The following DNAJB14 variants were observed in gnomAD, a reference collection of about 807,000 sequenced individuals.
DNAJB14 encodes dnaJ homolog subfamily B member 14.
A neutral mutation model predicts 48.4 loss-of-function variants in DNAJB14; 22 were observed. The observed-to-expected ratio is 0.45, with a 90% confidence interval of 0.32 to 0.65. DNAJB14 has a LOEUF of 0.65. Ranked by LOEUF, DNAJB14 falls within the 30% of genes least tolerant of loss-of-function variation. The pLI is 0.03. For synonymous variants in DNAJB14, 142 were observed against 158.7 expected, an observed-to-expected ratio of 0.89 and a Z score of 0.79; for missense variants, 319 against 458.8, an observed-to-expected ratio of 0.70 and a Z score of 2.78.
rs776996229 is a variant in DNAJB14, at chr4:99,923,144, G to A, written c.347C>T (p.Thr116Met). The part of the protein sequence containing the change: ...CKNYYEVLGV[T>M]KDAGDEDLKK... ...CAAATCTTCATCACCAGCATCTTTC[G>A]TAACTCCAAGTACTTCATAGTAATT... The change falls in exon 3 of 8, where the codon ACG becomes ATG. Residue 116 changes from threonine (T) to methionine (M), a missense_variant. This residue lies in a region of DNAJB14 where 37 missense variants were observed against 87.8 expected (regional missense o/e 0.42). Coordinates refer to ENST00000442697, the MANE Select transcript of DNAJB14 (RefSeq NM_001031723.4). 27 of 1,612,402 alleles carry A rather than the reference G, an allele frequency of 1.7e-5. No homozygotes were observed. Among genetic ancestry groups the A allele is most frequent in the South Asian group, 2.2e-5 (2 of 90,924 alleles).
intron 3 of DNAJB14, among the ~76,000 whole-genome samples, chr4:99,911,533 A>G (rs572357436): frequency 6.8e-6 from 1 of 146,732 alleles, no homozygotes; most frequent in Admixed American, 6.7e-5. Flanking sequence ...CATTCCCTGC[A>G]TCCATACCAG....
In DNAJB14 at chr4:99,898,198, A is replaced by T. The variant is rs887167815; in HGVS notation, c.*2830T>A. 2 of 152,012 alleles carry T rather than the reference A, an allele frequency of 1.3e-5. No homozygotes were observed. The highest frequency in any genetic ancestry group is 2.4e-5 in the African/African-American group (1 of 41,444). The allele number at this position is 152,012 out of a possible 1,614,324, so 9.4% of individuals were successfully genotyped here. On this transcript the variant is annotated 3_prime_UTR_variant, in exon 8 of 8. Transcript: ENST00000442697. ...GGTATTCCACATTCCTGTTCCTATG[A>T]ACACCTGAGCTGGCACAAAAGCTGA...
intron 2 of DNAJB14, chr4:99,925,437 G>T (rs1045068763): frequency 6.6e-6 from 1 of 151,990 alleles, no homozygotes; most frequent in Non-Finnish European, 1.5e-5. Context: ...TTCACATAAA[G>T]AATTGTAGAA....
chr4:99,915,058 T>A (rs1725801737), intron 3 of DNAJB14, among the ~76,000 whole-genome samples: 1 of 152,258 alleles, frequency 6.6e-6, no homozygotes, highest in Admixed American at 6.5e-5. Context: ...TTTGCTATTC[T>A]TTTTCTAGAT....
At chr4:99,918,678 T>C (rs1047883061) in intron 3 of DNAJB14, among the ~76,000 whole-genome samples, 1 of 152,172 alleles carries the variant, frequency 6.6e-6, no homozygotes, top group African/African-American at 2.4e-5. Context: ...AGTTCCCTTA[T>C]GGGAACATCA....
At chr4:99,944,229 A>T (rs912260750) in intron 1 of DNAJB14, among the ~76,000 whole-genome samples, 3 of 152,232 alleles carry the variant, frequency 2.0e-5, no homozygotes, top group African/African-American at 7.2e-5. Flanking sequence ...TACTATCAAA[A>T]CCAACAAAAA....
At chr4:99,946,126 G>C (rs1442873724) in intron 1 of DNAJB14, among the ~76,000 whole-genome samples, 1 of 152,248 alleles carries the variant, frequency 6.6e-6, no homozygotes, top group Non-Finnish European at 1.5e-5. Context: ...AAGCCTCACT[G>C]TGGTAAGACG....
At chr4:99,918,665 G>GT (rs1725943344) in intron 3 of DNAJB14, among the ~76,000 whole-genome samples, 2 of 152,290 alleles carry the variant, frequency 1.3e-5, no homozygotes, top group Middle Eastern at 3.4e-3. Flanking sequence ...GGATAGATAC[G>GT]TAAGTTCCCT....
At chr4:99,922,497 G>C (rs186254142) in intron 3 of DNAJB14, 13 of 151,788 alleles carry the variant, frequency 8.6e-5, no homozygotes, top group Admixed American at 8.5e-4. Flanking sequence ...AGAATATTGG[G>C]ATGGAAAATA....
intron 1 of DNAJB14, among the ~76,000 whole-genome samples, chr4:99,944,741 A>T (rs1430516113): frequency 6.6e-6 from 1 of 151,754 alleles, no homozygotes; most frequent in Non-Finnish European, 1.5e-5. Context: ...CGCCTGGCTA[A>T]TTTTTTTGTA....
At chr4:99,938,788 A>C (rs1327230605) in intron 1 of DNAJB14, among the ~76,000 whole-genome samples, 1 of 152,180 alleles carries the variant, frequency 6.6e-6, no homozygotes, top group Non-Finnish European at 1.5e-5. Flanking sequence ...TCCAAAACTA[A>C]ATGTACTAAT....
chr4:99,931,006 G>A (rs1174903008), intron 1 of DNAJB14, among the ~76,000 whole-genome samples: 1 of 152,136 alleles, frequency 6.6e-6, no homozygotes, highest in Non-Finnish European at 1.5e-5. Context: ...AACAATGGGA[G>A]CCAAGATACT....
intron 4 of DNAJB14, among the ~76,000 whole-genome samples, chr4:99,907,353 A>T (rs925626188): frequency 6.6e-6 from 1 of 152,252 alleles, no homozygotes; most frequent in South Asian, 2.1e-4. Context: ...TCCTTCAAGG[A>T]TGCTTTGCAA....
chr4:99,922,472 T>C (rs913263243), intron 3 of DNAJB14: 1 of 151,934 alleles, frequency 6.6e-6, no homozygotes, highest in African/African-American at 2.4e-5. Context: ...TTTATTAAAT[T>C]GGCAAAAAAT....
chr4:99,901,703 GCTTC>G (rs1725301125), intron 7 of DNAJB14, among the ~76,000 whole-genome samples: 1 of 152,036 alleles, frequency 6.6e-6, no homozygotes, highest in Admixed American at 6.6e-5. Context: ...TACTTCTGAG[GCTTC>G]CTTCAGTGTG....
rs1186065334 is a variant in DNAJB14, at chr4:99,900,309, TTTTC to T, written c.*715_*718del. 6.6e-6 allele frequency: 1 copy of T among 152,022 alleles called. No homozygotes were observed. Among genetic ancestry groups the T allele is most frequent in the Non-Finnish European group, 1.5e-5 (1 of 67,896 alleles). The allele number at this position is 152,022 out of a possible 1,614,324, so 9.4% of individuals were successfully genotyped here. A position where few individuals can be genotyped will look rare whatever the true frequency, so the allele number is the denominator to read the frequency against. On this transcript the variant is annotated 3_prime_UTR_variant, in exon 8 of 8. Coordinates refer to ENST00000442697, the MANE Select transcript of DNAJB14 (RefSeq NM_001031723.4). ...TAATATTTATAGCCATTTCCTCATA[TTTTC>T]TTTAAAATTTATCAGTATAGCATTT...
chr4:99,911,024 C>A (rs928905772), intron 3 of DNAJB14, among the ~76,000 whole-genome samples: 1 of 152,012 alleles, frequency 6.6e-6, no homozygotes, highest in Admixed American at 6.6e-5. Context: ...ACATCCAACT[C>A]CTCCTCCCTC....
chr4:99,941,073 G>A (rs754111563), intron 1 of DNAJB14, among the ~76,000 whole-genome samples: 3 of 151,702 alleles, frequency 2.0e-5, no homozygotes, highest in Non-Finnish European at 2.9e-5. Context: ...TATCTTTATT[G>A]AAGAGAGTAA....
chr4:99,906,086 G>A, intron 5 of DNAJB14: 2 of 1,315,408 alleles, frequency 1.5e-6, no homozygotes, highest in Non-Finnish European at 2.0e-6. Context: ...CAAAGCTGGG[G>A]GCCAGGCCTT....
Sources: gnomAD v4.1 joint callset for allele counts (sites outside exome capture counted in the v4.1 genomes callset) on GRCh38, gnomAD v4.1.1 for gene constraint, gnomAD v4.1.1 regional missense constraint, MANE v1.5 for transcripts, NCBI Gene and HGNC (gene_info 2026-07-23, HGNC 2026-07-21) for gene names.